The following RABEP2 variants were observed in gnomAD, a reference collection of about 807,000 sequenced individuals.
RABEP2 encodes rab GTPase-binding effector protein 2.
Under a neutral mutation model 74.1 loss-of-function variants are expected in RABEP2, and 57 were observed. The ratio of observed to expected loss-of-function variants is 0.77; its 90% CI spans 0.62 to 0.96. The LOEUF is 0.96. RABEP2 is among the 40% of genes least tolerant of loss of function. RABEP2 has a pLI of 0.00. For missense variants in RABEP2, 692 were observed against 756.3 expected, an observed-to-expected ratio of 0.91 and a Z score of 1.00; for synonymous variants, 351 against 344.0, an observed-to-expected ratio of 1.02 and a Z score of -0.23.
At chr16:28,911,643 G>A (rs1244294743) in intron 5 of RABEP2, among the ~76,000 whole-genome samples, 8 of 141,120 alleles carry the variant, frequency 5.7e-5, no homozygotes, top group East Asian at 2.1e-4. Flanking sequence ...GTGAGATTCC[G>A]TCTCAAAAAA....
Position 28,904,452 on chromosome 16 carries a change from C to T in RABEP2, c.*491G>A, listed in dbSNP as rs531848549. On this transcript the variant is annotated 3_prime_UTR_variant, in exon 13 of 13. Coordinates refer to ENST00000358201, the MANE Select transcript of RABEP2 (RefSeq NM_024816.3). ...GAGCTGCTTATTTATTGAAAATAAA[C>T]GACGGAAAAGTCTGGCCTTGCCTCT... The T allele has an allele frequency of 3.4e-5, 52 of 1,523,116 alleles. No individual in the cohort carries two copies. Among genetic ancestry groups the T allele is most frequent in the South Asian group, 2.9e-4 (24 of 83,108 alleles). The allele number at this position is 1,523,116 out of a possible 1,614,324, so 94.4% of individuals were successfully genotyped here.
rs944579561 is a variant in RABEP2 at position 28,911,162 on chromosome 16, C to T, written c.912G>A (p.Lys304=). The T allele has an allele frequency of 6.2e-7, 1 of 1,611,214 alleles. No homozygotes were observed. The highest frequency in any genetic ancestry group is 8.5e-7 in the Non-Finnish European group (1 of 1,180,004). The part of the protein sequence containing the change: ...QLQTEGRQLQ[K]DLESVSRERD... The stretch of plus-strand genomic sequence containing the variant: ...GCTCGCGACTGACGCTCTCCAGGTC[C>T]TTCTGCAGCTGTCGGCCCTGCCACA... Residue 304 remains lysine, a synonymous_variant, in exon 6 of 13, where the codon AAG becomes AAA. Coordinates refer to ENST00000358201, the MANE Select transcript of RABEP2 (RefSeq NM_024816.3).
intron 3 of RABEP2, chr16:28,916,242 C>T (rs1964391268): frequency 6.6e-6 from 1 of 152,220 alleles, no homozygotes; most frequent in Non-Finnish European, 1.5e-5. Context: ...GACATGATGG[C>T]TGGCACTCAA....
At chr16:28,914,160 G>T in intron 5 of RABEP2, 76 bp downstream of exon 5, 2 of 1,275,720 alleles carry the variant, frequency 1.6e-6, no homozygotes, top group Non-Finnish European at 2.1e-6. Context: ...TTCTGGGTCT[G>T]AACACAGGTG....
intron 7 of RABEP2, among the ~76,000 whole-genome samples, chr16:28,909,882 A>C (rs1156792930): frequency 6.6e-6 from 1 of 151,784 alleles, no homozygotes; most frequent in Admixed American, 6.6e-5. Flanking sequence ...AAAAAATATT[A>C]ACCGGGCGTG....
rs976893164 is a variant in RABEP2, at chr16:28,914,336, G to A, written c.794C>T (p.Ser265Leu). ...GLSPEQEETA[S>L]LVSTGTLVPE... Reference sequence around the variant, plus strand: ...AACCAGGGTGCCCGTAGACACCAGCGAGGCCGTCTCTTCCTGTTCAGGGCT... The same window carrying A: ...AACCAGGGTGCCCGTAGACACCAGCAAGGCCGTCTCTTCCTGTTCAGGGCT... The change falls in exon 5 of 13, where the codon TCG becomes TTG. Residue 265 changes from serine to leucine, a missense_variant. Physicochemically the swap from Ser to Leu is moderately radical, Grantham distance 145 (BLOSUM62 -2). Transcript: ENST00000358201. The A allele has an allele frequency of 7.4e-6, 12 of 1,613,256 alleles. No individual in the cohort carries two copies. Among genetic ancestry groups the A allele is most frequent in the Admixed American group, 1.7e-5 (1 of 60,006 alleles).
At position 28,905,298 on chromosome 16, in the gene RABEP2, A is replaced by G. The variant is rs542712157; in HGVS notation, c.1608+99T>C. 1.0e-5 allele frequency: 9 copies of G among 869,850 alleles called. No individual in the cohort carries two copies. In the Admixed American group the frequency reaches 1.9e-4, roughly 19 times the overall value. 53.9% of individuals were successfully genotyped at this position (869,850 alleles called of 1,614,324 possible). On this transcript the variant is annotated intron_variant, in intron 12 of 12. Transcript: ENST00000358201. ...CAGGACCATGCCAGCCCCAGGAGGA[A>G]GAAAGGACTCCCCTAACCAGGGAAC...
At chr16:28,908,529 C>G in intron 8 of RABEP2, 80 bp downstream of exon 8, 1 of 1,453,556 alleles carries the variant, frequency 6.9e-7, no homozygotes, top group Non-Finnish European at 9.2e-7. Flanking sequence ...CCTGGCTGGT[C>G]GTGACCAACG....
Position 28,905,968 on chromosome 16 carries a change from G to C in RABEP2, c.1423+51C>G, listed in dbSNP as rs754623465. Reference sequence around the variant, plus strand: ...CTGGGCCCCGGTGGCTCCCTGCAAGGCCGACAGGGGCCCTGGGCCCGGGGC... The same window carrying C: ...CTGGGCCCCGGTGGCTCCCTGCAAGCCCGACAGGGGCCCTGGGCCCGGGGC... On this transcript the variant is annotated intron_variant, in intron 9 of 12. Transcript: ENST00000358201. The C allele has an allele frequency of 1.1e-5, 17 of 1,611,322 alleles. No homozygotes were observed. The Admixed American group carries it at 2.0e-4, about 19-fold the overall frequency.
intron 3 of RABEP2, among the ~76,000 whole-genome samples, chr16:28,919,413 G>A (rs1219199510): frequency 6.6e-6 from 1 of 152,238 alleles, no homozygotes; most frequent in African/African-American, 2.4e-5. Context: ...GCCTCCCAAA[G>A]TGTTGGGATT....
chr16:28,923,232 A>T (rs1964490243), intron 2 of RABEP2, among the ~76,000 whole-genome samples: 1 of 151,894 alleles, frequency 6.6e-6, no homozygotes, highest in Admixed American at 6.6e-5. Flanking sequence ...ACATAGAGAG[A>T]CCCTGTTTCT....
At chr16:28,919,689 T>A (rs1285147677) in intron 3 of RABEP2, 97 bp downstream of exon 3, 1 of 1,349,198 alleles carries the variant, frequency 7.4e-7, no homozygotes, top group African/African-American at 1.4e-5. Context: ...GAATCACTGC[T>A]GGGTGCCCCG....
In RABEP2 at chr16:28,925,235, G is replaced by T; in HGVS notation, c.-72C>A. 4.1e-6 allele frequency: 6 copies of T among 1,480,074 alleles called. No individual in the cohort carries two copies. Among genetic ancestry groups the T allele is most frequent in the Non-Finnish European group, 4.5e-6 (5 of 1,120,688 alleles). The allele number at this position is 1,480,074 out of a possible 1,614,324, so 91.7% of individuals were successfully genotyped here. A position where few individuals can be genotyped will look rare whatever the true frequency, so the allele number is the denominator to read the frequency against. On this transcript the variant is annotated 5_prime_UTR_variant, in exon 1 of 13. Transcript: ENST00000358201. Reference sequence around the variant, plus strand: ...GCACCGCTTCCGGGTCCTCTCGGCTGTTTCCGGATCCGCTCGGCTGTTTCC... The same window carrying T: ...GCACCGCTTCCGGGTCCTCTCGGCTTTTTCCGGATCCGCTCGGCTGTTTCC...
Position 28,914,308 on chromosome 16 carries a change from G to T in RABEP2, c.822C>A (p.Pro274=). The change falls in exon 5 of 13, where the codon CCC becomes CCA. Residue 274 remains proline, a synonymous_variant. Coordinates refer to ENST00000358201, the MANE Select transcript of RABEP2 (RefSeq NM_024816.3). ...ASLVSTGTLV[P]EGIYLPPPGY... Reference sequence around the variant, plus strand: ...CAGGAGGGGGCAGGTAGATGCCCTCGGGAACCAGGGTGCCCGTAGACACCA... The same window carrying T: ...CAGGAGGGGGCAGGTAGATGCCCTCTGGAACCAGGGTGCCCGTAGACACCA... 1 of 1,613,036 alleles carries T rather than the reference G, an allele frequency of 6.2e-7. No homozygotes were observed.
chr16:28,905,753 AG>A lies in RABEP2; in HGVS notation c.1441del (p.Leu481CysfsTer4), dbSNP rs2152217560. 1 of 1,613,972 alleles carries A rather than the reference AG, an allele frequency of 6.2e-7. No homozygotes were observed. Among genetic ancestry groups the A allele is most frequent in the East Asian group, 2.2e-5 (1 of 44,866 alleles). On this transcript the variant is annotated frameshift_variant, in exon 11 of 13. Coordinates refer to ENST00000358201, the MANE Select transcript of RABEP2 (RefSeq NM_024816.3). LOFTEE classifies it high-confidence loss of function. The stretch of plus-strand genomic sequence containing the variant: ...CTCCATCTCTGTCCTCAGGCTGCAC[AG>A]GGAGGCTGGGAAGTCAGGGCAGGGG... ...REETEVLEAS[L>X]CSLRTEMERV...
At chr16:28,911,512 A>T (rs1446443445) in intron 5 of RABEP2, among the ~76,000 whole-genome samples, 2 of 151,950 alleles carry the variant, frequency 1.3e-5, no homozygotes, top group Non-Finnish European at 2.9e-5. Flanking sequence ...AAATACAAAA[A>T]ATTAGCCGGG....
chr16:28,924,916 G>A (rs1964513929), intron 1 of RABEP2, 187 bp downstream of exon 1: 2 of 831,326 alleles, frequency 2.4e-6, no homozygotes, highest in African/African-American at 1.7e-5. Context: ...CCTGTCACTG[G>A]CCCTACCCCT....
At chr16:28,916,920 C>A (rs1442474444) in intron 3 of RABEP2, among the ~76,000 whole-genome samples, 1 of 145,220 alleles carries the variant, frequency 6.9e-6, no homozygotes, top group East Asian at 2.0e-4. Context: ...GACCTGGGTG[C>A]AGAGGTTGCA....
chr16:28,906,018 C>G lies in RABEP2; in HGVS notation c.1423+1G>C. The G allele has an allele frequency of 6.2e-7, 1 of 1,606,884 alleles. No individual in the cohort carries two copies. Among genetic ancestry groups the G allele is most frequent in the Non-Finnish European group, 8.5e-7 (1 of 1,177,308 alleles). ...CTGGGGGCTTGTGCCCCTCCCCTCACCTGTCTCCTCCCGCTGCACCCTCAG... is the reference window on the plus strand; with the variant it reads ...CTGGGGGCTTGTGCCCCTCCCCTCAGCTGTCTCCTCCCGCTGCACCCTCAG... On this transcript the variant is annotated splice_donor_variant, in intron 9 of 12. Transcript: ENST00000358201. LOFTEE classifies it high-confidence loss of function.
Sources: gnomAD v4.1 joint callset for allele counts (sites outside exome capture counted in the v4.1 genomes callset) on GRCh38, gnomAD v4.1.1 for gene constraint, MANE v1.5 for transcripts, NCBI Gene and HGNC (gene_info 2026-07-23, HGNC 2026-07-21) for gene names.